MYT1L: variants seen among roughly 807,000 people sequenced by gnomAD.
MYT1L encodes myelin transcription factor 1 like.
In MYT1L, 12 loss-of-function variants were observed where a neutral mutation model predicts 126.7. The observed-to-expected ratio is 0.09, with a 90% CI of 0.06 to 0.15. The LOEUF (loss-of-function observed/expected upper bound fraction) is 0.15. Ranked by LOEUF, MYT1L falls within the 10% of genes least tolerant of loss-of-function variation. The pLI is 1.00. For synonymous variants in MYT1L, 541 were observed against 604.2 expected (o/e 0.90, Z 1.53); for missense variants, 979 against 1,585.2 (o/e 0.62, Z 6.49).
intron 14 of MYT1L, among the ~76,000 whole-genome samples, chr2:1,897,137 C>T (rs2049700478): frequency 6.6e-6 from 1 of 152,134 alleles, no homozygotes; most frequent in Non-Finnish European, 1.5e-5. Flanking sequence ...ATAAAAATGT[C>T]ATTTAAAAGT....
At chr2:1,868,625 C>A (rs754981839) in intron 18 of MYT1L, among the ~76,000 whole-genome samples, 4 of 152,184 alleles carry the variant, frequency 2.6e-5, no homozygotes, top group Non-Finnish European at 4.4e-5. Context: ...TCTTTGAAGG[C>A]TTAGGAAGGG....
intron 2 of MYT1L, among the ~76,000 whole-genome samples, chr2:2,208,376 C>T (rs575299882): frequency 8.5e-5 from 13 of 152,256 alleles, no homozygotes; most frequent in South Asian, 2.1e-4. Context: ...CATGACATAA[C>T]GCAGGCAGAG....
chr2:2,061,174 T>C (rs903278638), intron 3 of MYT1L, among the ~76,000 whole-genome samples: 9 of 152,172 alleles, frequency 5.9e-5, no homozygotes, highest in Non-Finnish European at 1.3e-4. Context: ...GGGTTCCTTA[T>C]GCTTCTTGTT....
intron 3 of MYT1L, among the ~76,000 whole-genome samples, chr2:2,138,762 T>C (rs1007806235): frequency 2.8e-5 from 4 of 143,724 alleles, no homozygotes; most frequent in African/African-American, 1.0e-4. Flanking sequence ...AGTTAGTGGG[T>C]GCAGCGCACC....
chr2:2,065,587 T>C (rs1407596560), intron 3 of MYT1L, among the ~76,000 whole-genome samples: 1 of 152,122 alleles, frequency 6.6e-6, no homozygotes, highest in East Asian at 1.9e-4. Context: ...CATGGTTTCC[T>C]GTAAGATTCT....
intron 2 of MYT1L, among the ~76,000 whole-genome samples, chr2:2,272,311 T>C (rs1222716051): frequency 6.6e-6 from 1 of 152,148 alleles, no homozygotes; most frequent in Non-Finnish European, 1.5e-5. Context: ...ACCTCCCATG[T>C]TCTCTGGGCC....
intron 19 of MYT1L, among the ~76,000 whole-genome samples, chr2:1,849,350 A>AT (rs113918815): frequency 0.45 from 68,774 of 151,614 alleles, 16,688 homozygotes; most frequent in East Asian, 0.67. Flanking sequence ...AGTTTTACAA[A>AT]TTTTTTTTTA....
intron 3 of MYT1L, among the ~76,000 whole-genome samples, chr2:2,126,232 T>C (rs576098845): frequency 6.6e-6 from 1 of 152,306 alleles, no homozygotes; most frequent in South Asian, 2.1e-4. Context: ...AGGGGATTAT[T>C]TTGAGATTTA....
At chr2:2,199,242 A>C (rs2092953979) in intron 2 of MYT1L, among the ~76,000 whole-genome samples, 1 of 151,866 alleles carries the variant, frequency 6.6e-6, no homozygotes, top group African/African-American at 2.4e-5. Flanking sequence ...TTGAAAAACA[A>C]ACATTCTTTT....
chr2:2,122,550 A>T (rs1156854022), intron 3 of MYT1L, among the ~76,000 whole-genome samples: 1 of 152,216 alleles, frequency 6.6e-6, no homozygotes, highest in East Asian at 1.9e-4. Context: ...TATACAAAGT[A>T]ATTCATGTAC....
chr2:2,212,703 T>C (rs902896121), intron 2 of MYT1L, among the ~76,000 whole-genome samples: 1 of 152,232 alleles, frequency 6.6e-6, no homozygotes, highest in Non-Finnish European at 1.5e-5. Context: ...ATTGTTAACA[T>C]TTCTCTAGTA....
intron 2 of MYT1L, among the ~76,000 whole-genome samples, chr2:2,240,573 G>A (rs915721756): frequency 2.6e-5 from 4 of 152,146 alleles, no homozygotes; most frequent in South Asian, 2.1e-4. Context: ...TAAAATATAC[G>A]TTCTAATCCT....
At chr2:1,849,405 G>A (rs1014307084) in intron 19 of MYT1L, among the ~76,000 whole-genome samples, 4 of 152,254 alleles carry the variant, frequency 2.6e-5, no homozygotes, top group South Asian at 2.1e-4. Context: ...TGGACGGCGC[G>A]ACTCACTCGT....
chr2:1,818,167 T>C (rs1400729878), intron 21 of MYT1L, among the ~76,000 whole-genome samples: 1 of 152,202 alleles, frequency 6.6e-6, no homozygotes, highest in Non-Finnish European at 1.5e-5. Context: ...AGTGAAACTT[T>C]CGAAGGGGGA....
intron 3 of MYT1L, among the ~76,000 whole-genome samples, chr2:2,101,572 T>C (rs1157440514): frequency 6.6e-6 from 1 of 151,754 alleles, no homozygotes; most frequent in Non-Finnish European, 1.5e-5. Flanking sequence ...CATCAACTCA[T>C]CTACCCAACC....
chr2:1,898,285 T>C (rs1193925288), intron 14 of MYT1L, among the ~76,000 whole-genome samples: 1 of 152,240 alleles, frequency 6.6e-6, no homozygotes, highest in African/African-American at 2.4e-5. Context: ...TCTTTAGACC[T>C]AACTTGATTC....
At chr2:2,155,727 G>A (rs549416075) in intron 3 of MYT1L, among the ~76,000 whole-genome samples, 15 of 152,262 alleles carry the variant, frequency 9.9e-5, no homozygotes, top group African/African-American at 2.6e-4. Flanking sequence ...CCACTGTGTC[G>A]GGGGGATGCT....
chr2:2,047,420 C>T (rs1007094409), intron 4 of MYT1L, among the ~76,000 whole-genome samples: 3 of 152,200 alleles, frequency 2.0e-5, no homozygotes, highest in African/African-American at 4.8e-5. Flanking sequence ...CTGCGAATTG[C>T]TCCTCCTAAC....
In MYT1L at chr2:2,014,953, T is replaced by A. The variant is rs534781779; in HGVS notation, c.-157-17606A>T. 2.6e-5 allele frequency among the ~76,000 whole-genome samples: 4 copies of A among 152,358 alleles called. No individual in the cohort carries two copies. In the South Asian group the frequency reaches 8.3e-4, roughly 32 times the overall value. On this transcript the variant is annotated intron_variant, in intron 4 of 24. Coordinates refer to ENST00000647738, the MANE Select transcript of MYT1L (RefSeq NM_001303052.2). ...TCCGAATTAAGATATTTGGACTTTT[T>A]TTTCTCTTCTTACCTACAAAGGGCT...
Sources: allele counts gnomAD v4.1 joint callset (sites outside exome capture counted in the v4.1 genomes callset), GRCh38; gene constraint gnomAD v4.1.1; transcripts MANE v1.5; gene names NCBI Gene and HGNC (gene_info 2026-07-23, HGNC 2026-07-21).